The following C12orf42 variants were observed in gnomAD, a reference collection of about 807,000 sequenced individuals.
C12orf42 encodes uncharacterized protein C12orf42.
C12orf42 carries 25 observed loss-of-function variants against 21.6 expected under a neutral mutation model. The ratio of observed to expected loss-of-function variants is 1.16; its 90% CI spans 0.84 to 1.62. The LOEUF (loss-of-function observed/expected upper bound fraction) is 1.62. C12orf42 is among the 40% of genes most tolerant of loss of function. The probability of loss-of-function intolerance (pLI) is 0.00; values close to 1 mark genes in which losing one functional copy is unlikely to be tolerated. For missense variants in C12orf42, 483 were observed against 459.3 expected (o/e 1.05, Z -0.47); for synonymous variants, 174 against 175.0 (o/e 0.99, Z 0.05).
At chr12:103,386,313 A>T (rs1233182183) in intron 3 of C12orf42, among the ~76,000 whole-genome samples, 4 of 152,034 alleles carry the variant, frequency 2.6e-5, no homozygotes. Flanking sequence ...TCAGCATCAC[A>T]TTTGTAGGTG....
chr12:103,512,088 A>G, the C12orf42 span, among the ~76,000 whole-genome samples: 1 of 152,222 alleles, frequency 6.6e-6, no homozygotes, highest in Admixed American at 6.5e-5. Flanking sequence ...TTTTATTCCT[A>G]TCACTGTCCT....
chr12:103,557,817 T>A, the C12orf42 span: 34 of 152,164 alleles, frequency 2.2e-4, no homozygotes, highest in African/African-American at 8.2e-4. Flanking sequence ...CTAAGATTGC[T>A]AAAGCACTAA....
chr12:103,294,639 G>GAAAGAAA lies in C12orf42; in HGVS notation n.338-17430_338-17429insTTTCTTT, dbSNP rs1566026190. 1.9e-3 allele frequency among the ~76,000 whole-genome samples: 227 copies of GAAAGAAA among 119,110 alleles called. 2 individuals carry two copies. Among genetic ancestry groups the GAAAGAAA allele is most frequent in the African/African-American group, 3.6e-3 (114 of 31,922 alleles). 78.1% of individuals were successfully genotyped at this position (119,110 alleles called of 152,430 possible). A position where few individuals can be genotyped will look rare whatever the true frequency, so the allele number is the denominator to read the frequency against. ...AAGAAAGAAAGAAAGAAAGAAAGAAGGAAAAGAAAGAGAAAGAAAGAAAGA... is the reference window on the plus strand; with the variant it reads ...AAGAAAGAAAGAAAGAAAGAAAGAAGAAAGAAAGAAAAGAAAGAGAAAGAAAGAAAGA... On this transcript the variant is annotated intron_variant and non_coding_transcript_variant, in intron 4 of 6. Transcript: ENST00000546526.
At chr12:103,321,009 C>A (rs1232028177) in intron 4 of C12orf42, among the ~76,000 whole-genome samples, 1 of 152,146 alleles carries the variant, frequency 6.6e-6, no homozygotes, top group Non-Finnish European at 1.5e-5. Flanking sequence ...AGTTGTTACA[C>A]AAATGCATTA....
At chr12:103,459,742 G>A (rs1232267816) in intron 2 of C12orf42, among the ~76,000 whole-genome samples, 1 of 152,124 alleles carries the variant, frequency 6.6e-6, no homozygotes, top group Non-Finnish European at 1.5e-5. Flanking sequence ...TTTCAAAAAG[G>A]GACACTTAGA....
At chr12:103,294,356 GA>G (rs1266109761) in intron 4 of C12orf42, among the ~76,000 whole-genome samples, 11 of 101,950 alleles carry the variant, frequency 1.1e-4, no homozygotes, top group South Asian at 6.2e-4. Context: ...AAACATGGCA[GA>G]AAAAAAAAAG....
intron 3 of C12orf42, among the ~76,000 whole-genome samples, chr12:103,385,616 T>G (rs770865886): frequency 6.6e-6 from 1 of 152,244 alleles, no homozygotes; most frequent in African/African-American, 2.4e-5. Context: ...AATGATATTC[T>G]CTTCTTTATT....
At chr12:103,325,282 G>A (rs1385790453) in intron 4 of C12orf42, among the ~76,000 whole-genome samples, 1 of 152,196 alleles carries the variant, frequency 6.6e-6, no homozygotes, top group Non-Finnish European at 1.5e-5. Flanking sequence ...TTGTGGCAAA[G>A]CAAGAATGGC....
chr12:103,195,334 G>T, the C12orf42 span, among the ~76,000 whole-genome samples: 1 of 152,142 alleles, frequency 6.6e-6, no homozygotes, highest in Admixed American at 6.5e-5. Flanking sequence ...TGGGTTGAAT[G>T]ATGGTTCTGT....
chr12:103,187,556 A>G, the C12orf42 span, among the ~76,000 whole-genome samples: 1 of 152,164 alleles, frequency 6.6e-6, no homozygotes, highest in Non-Finnish European at 1.5e-5. Flanking sequence ...TAAAACATAT[A>G]CTTTTGTTTT....
chr12:103,455,703 G>C (rs1952242238), intron 2 of C12orf42, among the ~76,000 whole-genome samples: 1 of 152,080 alleles, frequency 6.6e-6, no homozygotes, highest in South Asian at 2.1e-4. Flanking sequence ...TTAGAGAGCA[G>C]GAGAAGAAGA....
chr12:103,051,373 A>G, the C12orf42 span, among the ~76,000 whole-genome samples: 1 of 152,126 alleles, frequency 6.6e-6, no homozygotes, highest in Non-Finnish European at 1.5e-5. Flanking sequence ...ATAAGGACCA[A>G]CATTTCTTTT....
intron 4 of C12orf42, among the ~76,000 whole-genome samples, chr12:103,290,013 C>A (rs11834302): frequency 1.6e-3 from 248 of 152,190 alleles, no homozygotes; most frequent in South Asian, 0.011. Flanking sequence ...CTAATGCCTG[C>A]CTCCCCATCT....
chr12:103,198,524 C>A, the C12orf42 span, among the ~76,000 whole-genome samples: 1 of 152,194 alleles, frequency 6.6e-6, no homozygotes, highest in African/African-American at 2.4e-5. Context: ...GATGGGCATC[C>A]CTCGCCATGC....
the C12orf42 span, among the ~76,000 whole-genome samples, chr12:103,094,688 C>T: frequency 6.6e-6 from 1 of 152,122 alleles, no homozygotes; most frequent in African/African-American, 2.4e-5. Flanking sequence ...AGAATAGATT[C>T]CTCTTTAAAT....
chr12:103,352,811 A>AT (rs1026133083), intron 4 of C12orf42, among the ~76,000 whole-genome samples: 9 of 152,150 alleles, frequency 5.9e-5, no homozygotes, highest in South Asian at 2.1e-4. Flanking sequence ...ATGCCATAGG[A>AT]TTTTTTATGA....
chr12:103,380,449 G>C (rs2046067009), intron 3 of C12orf42, among the ~76,000 whole-genome samples: 1 of 152,186 alleles, frequency 6.6e-6, no homozygotes, highest in African/African-American at 2.4e-5. Context: ...GATGGCGTCA[G>C]AGTGCTCATT....
chr12:103,280,405 G>A, intron 4 of C12orf42, among the ~76,000 whole-genome samples: 1 of 152,156 alleles, frequency 6.6e-6, no homozygotes, highest in East Asian at 1.9e-4. Flanking sequence ...ATCATTTGAG[G>A]TCAGGAGTTC....
At chr12:103,441,879 A>T (rs1361045144) in intron 2 of C12orf42, among the ~76,000 whole-genome samples, 1 of 152,218 alleles carries the variant, frequency 6.6e-6, no homozygotes, top group Non-Finnish European at 1.5e-5. Context: ...ATGGTGGCTC[A>T]TCTCTGTAAT....
Sources: allele counts gnomAD v4.1 joint callset (sites outside exome capture counted in the v4.1 genomes callset), GRCh38; gene constraint gnomAD v4.1.1; transcripts MANE v1.5; gene names NCBI Gene and HGNC (gene_info 2026-07-23, HGNC 2026-07-21).